The following BANK1 variants were observed in gnomAD, a reference collection of about 807,000 sequenced individuals.
BANK1 encodes the protein B cell scaffold protein with ankyrin repeats 1, also known as B-cell scaffold protein with ankyrin repeats.
A neutral mutation model predicts 94.5 loss-of-function variants in BANK1; 95 were observed. The ratio of observed to expected loss-of-function variants is 1.00; its 90% confidence interval spans 0.85 to 1.19. The LOEUF (loss-of-function observed/expected upper bound fraction) is 1.19, where lower values mean the gene tolerates loss of function less well. Ranked by LOEUF, BANK1 falls within the 50% of genes most tolerant of loss-of-function variation. The probability of loss-of-function intolerance (pLI) is 0.00; values close to 1 mark genes in which losing one functional copy is unlikely to be tolerated. For synonymous variants in BANK1, 334 were observed against 308.4 expected, an observed-to-expected ratio of 1.08 and a Z score of -0.87; for missense variants, 987 against 932.2, an observed-to-expected ratio of 1.06 and a Z score of -0.77.
At chr4:101,837,983 AG>A (rs148787687) in intron 2 of BANK1, among the ~76,000 whole-genome samples, 9,616 of 141,468 alleles carry the variant, frequency 0.068, 1,068 homozygotes, top group African/African-American at 0.24. Flanking sequence ...TTTTTGAGAC[AG>A]GGTCTTGCTC....
At chr4:101,859,807 A>G (rs898997990) in intron 3 of BANK1, among the ~76,000 whole-genome samples, 7 of 152,184 alleles carry the variant, frequency 4.6e-5, no homozygotes, top group African/African-American at 1.4e-4. Context: ...ATAATTTTTG[A>G]AAGGTGCTAC....
At chr4:101,986,787 G>GTGTATATATATATGTGTATATATA (rs1725493880) in intron 7 of BANK1, among the ~76,000 whole-genome samples, 1 of 89,162 alleles carries the variant, frequency 1.1e-5, no homozygotes, top group Non-Finnish European at 2.3e-5. Flanking sequence ...TTATATATGT[G>GTGTATATATATATGTGTATATATA]TGTATATATA....
Position 102,016,997 on chromosome 4 carries a change from G to C in BANK1, c.1207-4517G>C, listed in dbSNP as rs373001096. 8.5e-5 allele frequency among the ~76,000 whole-genome samples: 13 copies of C among 152,188 alleles called. No homozygotes were observed. The East Asian group carries it at 1.7e-3, about 20-fold the overall frequency. On this transcript the variant is annotated intron_variant, in intron 7 of 16. Coordinates refer to ENST00000322953, the MANE Select transcript of BANK1 (RefSeq NM_017935.5). Reference sequence around the variant, plus strand: ...CAGGAAAAGCAAATTTATAAAGATAGTTGGCCAGTGCAGACCATAGACTAC... The same window carrying C: ...CAGGAAAAGCAAATTTATAAAGATACTTGGCCAGTGCAGACCATAGACTAC...
At chr4:101,973,057 T>C (rs1284556957) in intron 7 of BANK1, among the ~76,000 whole-genome samples, 1 of 144,940 alleles carries the variant, frequency 6.9e-6, no homozygotes, top group East Asian at 2.2e-4. Context: ...TCTGTGGTGG[T>C]TTTTTTTTTA....
intron 5 of BANK1, among the ~76,000 whole-genome samples, chr4:101,892,678 A>G (rs534496918): frequency 1.1e-4 from 16 of 152,062 alleles, no homozygotes; most frequent in Admixed American, 3.3e-4. Context: ...TTTTTTGATG[A>G]GCAAACTTTA....
intron 7 of BANK1, among the ~76,000 whole-genome samples, chr4:101,991,327 T>G (rs1725697987): frequency 6.6e-6 from 1 of 152,228 alleles, no homozygotes; most frequent in Non-Finnish European, 1.5e-5. Context: ...TGTAGTTGAT[T>G]ACAAGTTAAA....
At chr4:101,968,663 G>A (rs746715845) in intron 7 of BANK1, among the ~76,000 whole-genome samples, 1 of 151,862 alleles carries the variant, frequency 6.6e-6, no homozygotes, top group African/African-American at 2.4e-5. Context: ...AGGAAATGAG[G>A]CCAATTGAAA....
chr4:101,832,841 T>TGAGG (rs1461110515), intron 2 of BANK1, among the ~76,000 whole-genome samples: 2 of 152,068 alleles, frequency 1.3e-5, no homozygotes, highest in Non-Finnish European at 2.9e-5. Flanking sequence ...GTTTTCTCCT[T>TGAGG]TCCTCTTTTC....
chr4:101,885,018 A>G (rs1728800650), intron 5 of BANK1, among the ~76,000 whole-genome samples: 1 of 152,016 alleles, frequency 6.6e-6, no homozygotes, highest in African/African-American at 2.4e-5. Flanking sequence ...TTCTGGTTGA[A>G]GCGATTCTCC....
intron 7 of BANK1, among the ~76,000 whole-genome samples, chr4:101,992,763 G>T (rs968557847): frequency 2.6e-5 from 4 of 152,086 alleles, no homozygotes; most frequent in Non-Finnish European, 5.9e-5. Flanking sequence ...AAAGATAATG[G>T]AAGTAAATAT....
chr4:101,833,665 T>C (rs1168597182), intron 2 of BANK1, among the ~76,000 whole-genome samples: 5 of 152,212 alleles, frequency 3.3e-5, no homozygotes, highest in Non-Finnish European at 7.3e-5. Flanking sequence ...ACCCTCATGC[T>C]GTATCATCAC....
intron 13 of BANK1, among the ~76,000 whole-genome samples, chr4:102,067,623 A>G (rs1470080348): frequency 6.6e-6 from 1 of 151,972 alleles, no homozygotes; most frequent in African/African-American, 2.4e-5. Context: ...GAGCGATTCT[A>G]AATATCTGCG....
At chr4:102,054,114 C>T (rs112221828) in intron 11 of BANK1, among the ~76,000 whole-genome samples, 73 of 152,078 alleles carry the variant, frequency 4.8e-4, no homozygotes, top group African/African-American at 1.3e-3. Context: ...ATCTGCATAA[C>T]GATAGTTCAT....
chr4:101,976,803 C>T (rs1725149353), intron 7 of BANK1: 1 of 152,006 alleles, frequency 6.6e-6, no homozygotes, highest in Non-Finnish European at 1.5e-5. Flanking sequence ...TCAAAACAGG[C>T]ATGTCATGTG....
chr4:101,957,876 G>A (rs1475300301), intron 7 of BANK1, among the ~76,000 whole-genome samples: 16 of 137,948 alleles, frequency 1.2e-4, no homozygotes, highest in Non-Finnish European at 2.4e-4. Flanking sequence ...ACGGAGTCTC[G>A]CTCTGTCGCC....
Position 102,030,206 on chromosome 4 carries a change from C to T in BANK1, c.1841C>T (p.Pro614Leu). The change falls in exon 10 of 17, where the codon CCC (proline) becomes CTC (leucine). Residue 614 changes from proline (P) to leucine (L), a missense_variant. Coordinates refer to ENST00000322953, the MANE Select transcript of BANK1 (RefSeq NM_017935.5). ...TTCATTATAAATAGACCTCCTGCCC[C>T]CACACCCCGACCCACAAGTATACCT... Reference protein sequence around the residue: ...RSFIINRPPAPTPRPTSIPPK... With the variant: ...RSFIINRPPALTPRPTSIPPK... 4 of 1,613,246 alleles carry T rather than the reference C, an allele frequency of 2.5e-6. No individual in the cohort carries two copies. Among genetic ancestry groups the T allele is most frequent in the Non-Finnish European group, 3.4e-6 (4 of 1,179,742 alleles).
rs139862666 is a variant in BANK1, at chr4:102,008,344, A to T, written c.1207-13170A>T. Among the ~76,000 whole-genome samples, 63 of 152,328 alleles carry T rather than the reference A, an allele frequency of 4.1e-4. 1 individual carries two copies. The highest frequency in any genetic ancestry group is 6.8e-3 in the Middle Eastern group (2 of 294). ...CGATATCGGTGAAACTCCTTTGAAA[A>T]ACATGAATTGTTTTATAAATAAACA... On this transcript the variant is annotated intron_variant, in intron 7 of 16. Transcript: ENST00000322953.
chr4:101,909,448 G>T (rs568531490), intron 6 of BANK1, among the ~76,000 whole-genome samples: 15 of 152,102 alleles, frequency 9.9e-5, no homozygotes, highest in Non-Finnish European at 1.9e-4. Flanking sequence ...TGTAAATGTC[G>T]AGTTAATGGG....
chr4:101,791,200 T>A (rs1440122332), intron 1 of BANK1, among the ~76,000 whole-genome samples: 1 of 139,822 alleles, frequency 7.2e-6, no homozygotes, highest in Admixed American at 6.9e-5. Context: ...CTACCCTCAG[T>A]GTCTGCAACT....
Sources: allele counts gnomAD v4.1 joint callset (sites outside exome capture counted in the v4.1 genomes callset), GRCh38; gene constraint gnomAD v4.1.1; transcripts MANE v1.5; gene names NCBI Gene and HGNC (gene_info 2026-07-23, HGNC 2026-07-21).